The following SHPK variants were observed in gnomAD, a reference collection of about 807,000 sequenced individuals.
SHPK encodes sedoheptulokinase.
Under a neutral mutation model 46.3 loss-of-function variants are expected in SHPK, and 51 were observed. The observed-to-expected ratio is 1.10, with a 90% CI of 0.88 to 1.39. SHPK has a LOEUF of 1.39. Ranked by LOEUF, SHPK falls within the 40% of genes most tolerant of loss-of-function variation. The probability of loss-of-function intolerance (pLI) is 0.00; values close to 1 mark genes in which losing one functional copy is unlikely to be tolerated. For missense variants in SHPK, 668 were observed against 641.3 expected (o/e 1.04, Z -0.45); for synonymous variants, 290 against 273.9 (o/e 1.06, Z -0.58).
intron 6 of SHPK, among the ~76,000 whole-genome samples, chr17:3,613,749 G>A (rs1229849182): frequency 6.6e-6 from 1 of 151,808 alleles, no homozygotes; most frequent in African/African-American, 2.4e-5. Context: ...TTACAGACAG[G>A]GTCTTGCTAT....
intron 6 of SHPK, 121 bp downstream of exon 6, chr17:3,615,215 TG>T: frequency 1.1e-6 from 1 of 874,772 alleles, no homozygotes; most frequent in Non-Finnish European, 1.8e-6. Flanking sequence ...TGCCAGGACC[TG>T]GCAGGGTCTG....
At chr17:3,621,619 C>CCTTCCTT in intron 4 of SHPK, among the ~76,000 whole-genome samples, 1 of 112,302 alleles carries the variant, frequency 8.9e-6, no homozygotes, top group South Asian at 3.6e-4. Context: ...CTCCCTCCCT[C>CCTTCCTT]CCTTCCTTCC....
chr17:3,610,407 GAAGGT>G lies in SHPK; in HGVS notation c.*148_*152del. 1.3e-6 allele frequency: 1 copy of G among 772,208 alleles called. No individual in the cohort carries two copies. The highest frequency in any genetic ancestry group is 2.1e-6 in the Non-Finnish European group (1 of 483,956). 47.8% of individuals were successfully genotyped at this position (772,208 alleles called of 1,614,324 possible). A position where few individuals can be genotyped will look rare whatever the true frequency, so the allele number is the denominator to read the frequency against. ...TGGCTGCATTATTAGAGTATGTTCT[GAAGGT>G]AAGTTCTTGGCCGAGATGGGACCTC... On this transcript the variant is annotated 3_prime_UTR_variant, in exon 7 of 7. Transcript: ENST00000225519.
At chr17:3,631,940 C>T (rs1317202036) in intron 1 of SHPK, among the ~76,000 whole-genome samples, 4 of 152,044 alleles carry the variant, frequency 2.6e-5, no homozygotes, top group African/African-American at 4.8e-5. Flanking sequence ...GAAAAGGCCA[C>T]GCCTGGCTCC....
intron 1 of SHPK, among the ~76,000 whole-genome samples, chr17:3,635,443 G>C (rs1258267550): frequency 6.6e-6 from 1 of 152,138 alleles, no homozygotes; most frequent in Non-Finnish European, 1.5e-5. Flanking sequence ...CACCGTGTTA[G>C]CCAGGATGGT....
intron 5 of SHPK, among the ~76,000 whole-genome samples, chr17:3,619,095 T>C (rs1479394361): frequency 6.6e-6 from 1 of 152,098 alleles, no homozygotes; most frequent in Non-Finnish European, 1.5e-5. Context: ...AAACATAGTA[T>C]ATAAAGGCAA....
intron 2 of SHPK, among the ~76,000 whole-genome samples, chr17:3,624,533 A>G (rs926179377): frequency 2.6e-5 from 4 of 152,164 alleles, no homozygotes; most frequent in African/African-American, 9.7e-5. Flanking sequence ...CACAATCTCA[A>G]GTCCCCTGGT....
At chr17:3,629,783 AAAC>A (rs1445107674) in intron 2 of SHPK, among the ~76,000 whole-genome samples, 1 of 151,908 alleles carries the variant, frequency 6.6e-6, no homozygotes, top group Non-Finnish European at 1.5e-5. Flanking sequence ...ACAAATATGT[AAAC>A]AACGACAAAT....
At chr17:3,612,269 T>TA (rs1453576707) in intron 6 of SHPK, among the ~76,000 whole-genome samples, 2 of 151,980 alleles carry the variant, frequency 1.3e-5, no homozygotes, top group East Asian at 3.9e-4. Flanking sequence ...CTACTAAAAA[T>TA]ACAAAAATTA....
rs192035759 is a variant in SHPK, at chr17:3,620,213, C to T, written c.823+1024G>A. 1.9e-4 allele frequency among the ~76,000 whole-genome samples: 29 copies of T among 152,194 alleles called. No individual in the cohort carries two copies. The East Asian group carries it at 5.2e-3, about 27-fold the overall frequency. On this transcript the variant is annotated intron_variant, in intron 5 of 6. Coordinates refer to ENST00000225519, the MANE Select transcript of SHPK (RefSeq NM_013276.4). The stretch of plus-strand genomic sequence containing the variant: ...CAATCCCTGCCCTAGACACAGCTGC[C>T]TCTACCTCACCATGATTCCCTTACT...
intron 1 of SHPK, among the ~76,000 whole-genome samples, chr17:3,632,329 A>C (rs1285691364): frequency 1.3e-5 from 2 of 152,194 alleles, no homozygotes; most frequent in Non-Finnish European, 2.9e-5. Context: ...CACGCCTATA[A>C]TCGCAGCCAC....
intron 5 of SHPK, among the ~76,000 whole-genome samples, chr17:3,619,015 A>G (rs762313070): frequency 1.4e-5 from 2 of 144,510 alleles, no homozygotes; most frequent in African/African-American, 2.6e-5. Flanking sequence ...CCTTTTTACA[A>G]TCCCACTAGC....
Position 3,608,598 on chromosome 17 carries a change from G to C in SHPK, c.*1962C>G, listed in dbSNP as rs535862332. On this transcript the variant is annotated 3_prime_UTR_variant, in exon 7 of 7. Transcript: ENST00000225519. ...GAACAATGCACAAGGGAAAACTTGG[G>C]AACTGTTTGAAGAATTTTCCATTTA... The C allele has an allele frequency of 3.9e-5, 6 of 152,308 alleles. No individual in the cohort carries two copies. The highest frequency in any genetic ancestry group is 4.1e-4 in the South Asian group (2 of 4,826). The allele number at this position is 152,308 out of a possible 1,614,324, so 9.4% of individuals were successfully genotyped here. A position where few individuals can be genotyped will look rare whatever the true frequency, so the allele number is the denominator to read the frequency against.
chr17:3,624,309 G>A (rs936154689), intron 2 of SHPK, 78 bp from the exon 3 acceptor site: 2 of 1,314,632 alleles, frequency 1.5e-6, no homozygotes, highest in Non-Finnish European at 2.1e-6. Flanking sequence ...CTACTCTGCT[G>A]GTGAGTGACA....
intron 5 of SHPK, among the ~76,000 whole-genome samples, chr17:3,618,602 A>T (rs1360356449): frequency 6.6e-6 from 1 of 152,000 alleles, no homozygotes; most frequent in Non-Finnish European, 1.5e-5. Flanking sequence ...CAACATGGTG[A>T]AACCCTGTCT....
Sources: gnomAD v4.1 joint callset for allele counts (sites outside exome capture counted in the v4.1 genomes callset) on GRCh38, gnomAD v4.1.1 for gene constraint, MANE v1.5 for transcripts, NCBI Gene and HGNC (gene_info 2026-07-23, HGNC 2026-07-21) for gene names.